ZMAT4: variants seen among roughly 807,000 people sequenced by gnomAD.
ZMAT4 encodes the protein zinc finger matrin-type protein 4.
ZMAT4 carries 17 observed loss-of-function variants against 28.7 expected under a neutral mutation model. The ratio of observed to expected loss-of-function variants is 0.59; its 90% CI spans 0.41 to 0.89. ZMAT4 has a LOEUF of 0.89. Among genes scored for constraint, ZMAT4 ranks in the 40% least tolerant of loss-of-function variants. ZMAT4 has a pLI of 0.00. For synonymous variants in ZMAT4, 117 were observed against 109.2 expected, an observed-to-expected ratio of 1.07 and a Z score of -0.44; for missense variants, 240 against 283.8, an observed-to-expected ratio of 0.85 and a Z score of 1.11.
intron 6 of ZMAT4, among the ~76,000 whole-genome samples, chr8:40,546,578 T>C (rs922322345): frequency 7.2e-5 from 11 of 152,292 alleles, no homozygotes; most frequent in South Asian, 6.2e-4. Context: ...ATCCTTTTTG[T>C]TGACTTTGTT....
intron 5 of ZMAT4, among the ~76,000 whole-genome samples, chr8:40,598,843 A>G (rs1358361500): frequency 6.6e-6 from 1 of 152,172 alleles, no homozygotes; most frequent in African/African-American, 2.4e-5. Context: ...AGATGTAGTT[A>G]TCACCATAGA....
chr8:40,689,098 A>G (rs1051603146), intron 4 of ZMAT4, among the ~76,000 whole-genome samples: 1 of 152,260 alleles, frequency 6.6e-6, no homozygotes, highest in African/African-American at 2.4e-5. Flanking sequence ...AATGCCTCCC[A>G]TGGGTCCTTG....
chr8:40,699,555 A>C (rs886491243), intron 3 of ZMAT4, among the ~76,000 whole-genome samples: 3 of 151,744 alleles, frequency 2.0e-5, no homozygotes, highest in Non-Finnish European at 4.4e-5. Flanking sequence ...GAATCAACAT[A>C]AGTGTCCATC....
At chr8:40,812,700 G>A (rs1273945373) in intron 2 of ZMAT4, among the ~76,000 whole-genome samples, 1 of 152,154 alleles carries the variant, frequency 6.6e-6, no homozygotes, top group Non-Finnish European at 1.5e-5. Context: ...GGAGGCCGAG[G>A]CGGGCGGATC....
At chr8:40,689,195 C>G (rs971956984) in intron 4 of ZMAT4, among the ~76,000 whole-genome samples, 5 of 152,130 alleles carry the variant, frequency 3.3e-5, no homozygotes, top group Non-Finnish European at 7.4e-5. Flanking sequence ...TGAGGGAGCC[C>G]CAGGGCTGGA....
At chr8:40,653,368 GA>G (rs1169689015) in intron 5 of ZMAT4, among the ~76,000 whole-genome samples, 1 of 151,634 alleles carries the variant, frequency 6.6e-6, no homozygotes, top group Non-Finnish European at 1.5e-5. Context: ...AATACTCAAT[GA>G]AAAAACTCAA....
intron 4 of ZMAT4, among the ~76,000 whole-genome samples, chr8:40,676,273 G>T (rs1585861846): frequency 6.6e-6 from 1 of 152,082 alleles, no homozygotes; most frequent in East Asian, 1.9e-4. Context: ...AATAAGCTAA[G>T]GGACTTTTTT....
chr8:40,576,676 T>C (rs1440848885), intron 6 of ZMAT4, among the ~76,000 whole-genome samples: 1 of 152,040 alleles, frequency 6.6e-6, no homozygotes, highest in African/African-American at 2.4e-5. Flanking sequence ...GTCCTACATC[T>C]AGAAATAAAA....
At chr8:40,679,142 T>A (rs895562613) in intron 4 of ZMAT4, among the ~76,000 whole-genome samples, 1 of 152,188 alleles carries the variant, frequency 6.6e-6, no homozygotes, top group African/African-American at 2.4e-5. Flanking sequence ...AATCACCTCA[T>A]CATGGAATGA....
intron 3 of ZMAT4, among the ~76,000 whole-genome samples, chr8:40,714,572 C>A (rs1810762902): frequency 6.6e-6 from 1 of 152,118 alleles, no homozygotes; most frequent in Non-Finnish European, 1.5e-5. Context: ...GGTGTCAACC[C>A]TCCACCAGGC....
intron 5 of ZMAT4, among the ~76,000 whole-genome samples, chr8:40,646,075 T>A (rs952412485): frequency 6.6e-6 from 1 of 151,970 alleles, no homozygotes; most frequent in Non-Finnish European, 1.5e-5. Context: ...TTATAAACCA[T>A]TAATATATAG....
chr8:40,762,357 T>A (rs1375686330), intron 3 of ZMAT4, among the ~76,000 whole-genome samples: 1 of 152,104 alleles, frequency 6.6e-6, no homozygotes, highest in Non-Finnish European at 1.5e-5. Context: ...CACACAGAGA[T>A]ACACACAGAG....
chr8:40,582,254 G>T (rs1337401272), intron 5 of ZMAT4, among the ~76,000 whole-genome samples: 1 of 152,172 alleles, frequency 6.6e-6, no homozygotes, highest in African/African-American at 2.4e-5. Context: ...TAATCCCAAT[G>T]ATTTGGGAGG....
chr8:40,885,629 A>T (rs2150667269), intron 1 of ZMAT4, among the ~76,000 whole-genome samples: 1 of 152,220 alleles, frequency 6.6e-6, no homozygotes, highest in East Asian at 1.9e-4. Flanking sequence ...GCCTCAAGTG[A>T]TCCTCCTGAG....
intron 5 of ZMAT4, among the ~76,000 whole-genome samples, chr8:40,641,775 AC>A (rs934292447): frequency 2.8e-4 from 43 of 152,312 alleles, no homozygotes; most frequent in African/African-American, 9.6e-4. Flanking sequence ...AGTATACAAT[AC>A]AGTATTTTTA....
At chr8:40,582,282 C>T (rs886800309) in intron 5 of ZMAT4, among the ~76,000 whole-genome samples, 5 of 152,120 alleles carry the variant, frequency 3.3e-5, no homozygotes, top group African/African-American at 1.2e-4. Context: ...AGGAGGATAG[C>T]TTAAAGCCAG....
chr8:40,698,046 C>T (rs1463852204), intron 3 of ZMAT4, among the ~76,000 whole-genome samples: 1 of 152,112 alleles, frequency 6.6e-6, no homozygotes, highest in Non-Finnish European at 1.5e-5. Flanking sequence ...CAATTTTAGC[C>T]TCACCAGGAT....
At chr8:40,703,029 T>G (rs1318507182) in intron 3 of ZMAT4, among the ~76,000 whole-genome samples, 1 of 145,818 alleles carries the variant, frequency 6.9e-6, no homozygotes, top group Non-Finnish European at 1.5e-5. Context: ...ATATATATAT[T>G]CAATAAGGTG....
intron 1 of ZMAT4, among the ~76,000 whole-genome samples, chr8:40,889,098 T>G (rs2150669895): frequency 6.6e-6 from 1 of 152,314 alleles, no homozygotes; most frequent in Middle Eastern, 3.4e-3. Flanking sequence ...ACTTCTCTGC[T>G]TGTGAAATGA....
Sources: allele counts gnomAD v4.1 joint callset (sites outside exome capture counted in the v4.1 genomes callset), GRCh38; gene constraint gnomAD v4.1.1; transcripts MANE v1.5; gene names NCBI Gene and HGNC (gene_info 2026-07-23, HGNC 2026-07-21).